SETDB1: variants seen among roughly 807,000 people sequenced by gnomAD.
The protein encoded by SETDB1 is SET domain bifurcated histone lysine methyltransferase 1, also known as histone-lysine N-methyltransferase SETDB1.
SETDB1 carries 31 observed loss-of-function variants against 137.4 expected under a neutral mutation model. The ratio of observed to expected loss-of-function variants is 0.23; its 90% CI spans 0.17 to 0.30. The LOEUF (loss-of-function observed/expected upper bound fraction) is 0.30. SETDB1 is among the 10% of genes least tolerant of loss of function. SETDB1 has a pLI of 1.00. For synonymous variants in SETDB1, 548 were observed against 579.9 expected (o/e 0.95, Z 0.79); for missense variants, 1,113 against 1,631.5 (o/e 0.68, Z 5.47).
intron 8 of SETDB1, 71 bp from the exon 9 acceptor site, chr1:150,944,847 C>G: frequency 6.5e-7 from 1 of 1,543,898 alleles, no homozygotes; most frequent in Non-Finnish European, 8.8e-7. Context: ...TCAAATGTCT[C>G]CTGGCCAAGT....
chr1:150,959,605 T>C (rs1230281348), intron 15 of SETDB1, among the ~76,000 whole-genome samples: 1 of 152,142 alleles, frequency 6.6e-6, no homozygotes, highest in African/African-American at 2.4e-5. Context: ...GACATGATTA[T>C]AGAGTCCAGT....
chr1:150,945,264 T>G (rs1670290665), intron 9 of SETDB1, 156 bp downstream of exon 9: 1 of 1,463,934 alleles, frequency 6.8e-7, no homozygotes, highest in Non-Finnish European at 9.0e-7. Context: ...CTTTGCCCTT[T>G]TTGTTGTTCC....
At chr1:150,942,439 T>TC in intron 5 of SETDB1, 124 bp from the exon 6 acceptor site, 1 of 701,942 alleles carries the variant, frequency 1.4e-6, no homozygotes, top group Non-Finnish European at 2.3e-6. Flanking sequence ...AGAGTGAGAC[T>TC]CCATCTCAAA....
At position 150,962,959 on chromosome 1, in the gene SETDB1, C is replaced by T. The variant is rs1204145541; in HGVS notation, c.3295-15C>T. On this transcript the variant is annotated splice_polypyrimidine_tract_variant and intron_variant, in intron 18 of 21. Coordinates refer to ENST00000692827, the MANE Select transcript of SETDB1 (RefSeq NM_001366418.1). ...CCATTTACTTCTCTTACTTCTTACC[C>T]TCCTGCTTCCCCAGGATGTCCTGAC... 1 of 1,611,696 alleles carries T rather than the reference C, an allele frequency of 6.2e-7. No homozygotes were observed. Among genetic ancestry groups the T allele is most frequent in the Non-Finnish European group, 8.5e-7 (1 of 1,178,310 alleles).
At chr1:150,933,766 TCTTTTTCTTTTTC>T (rs1558012198) in intron 3 of SETDB1, among the ~76,000 whole-genome samples, 15 of 128,020 alleles carry the variant, frequency 1.2e-4, no homozygotes, top group African/African-American at 3.1e-4. Flanking sequence ...TTTTTCTTTT[TCTTTTTCTTTTTC>T]TTTTTTTTTT....
chr1:150,939,957 A>G lies in SETDB1; in HGVS notation c.430A>G (p.Thr144Ala), dbSNP rs140099145. The change falls in exon 4 of 22, where the codon ACT becomes GCT. Residue 144 changes from threonine to alanine, a missense_variant. This residue lies in a region of SETDB1 where 159 missense variants were observed against 188.6 expected (regional missense o/e 0.84). Transcript: ENST00000692827. Reference protein sequence around the residue: ...SIDSGDAGSRTPKDQKLREAM... With the variant: ...SIDSGDAGSRAPKDQKLREAM... ...GTCCATAGGTGATGCTGGGAGCAGAACTCCAAAAGACCAGAAGGTAAGTTA... is the reference window on the plus strand; with the variant it reads ...GTCCATAGGTGATGCTGGGAGCAGAGCTCCAAAAGACCAGAAGGTAAGTTA... 1 of 1,612,926 alleles carries G rather than the reference A, an allele frequency of 6.2e-7. No individual in the cohort carries two copies. Among genetic ancestry groups the G allele is most frequent in the Non-Finnish European group, 8.5e-7 (1 of 1,179,000 alleles).
At chr1:150,961,505 A>G (rs1004864195) in intron 16 of SETDB1, 3 of 320,572 alleles carry the variant, frequency 9.4e-6, no homozygotes, top group African/African-American at 6.6e-5. Context: ...AAATACAAAA[A>G]TTAGCCGGGC....
Position 150,944,976 on chromosome 1 carries a change from T to C in SETDB1, c.1008T>C (p.Tyr336=). The C allele has an allele frequency of 1.2e-6, 2 of 1,614,012 alleles. No homozygotes were observed. Among genetic ancestry groups the C allele is most frequent in the Non-Finnish European group, 1.7e-6 (2 of 1,179,916 alleles). ...DISCRDFIEE[Y]VTAYPNRPMV... ...CCTGCCGTGACTTCATAGAGGAGTA[T>C]GTCACTGCCTACCCCAACCGCCCCA... Residue 336 remains tyrosine, a synonymous_variant, in exon 9 of 22, where the codon TAT becomes TAC. Coordinates refer to ENST00000692827, the MANE Select transcript of SETDB1 (RefSeq NM_001366418.1).
chr1:150,954,110 T>A (rs1295706804), intron 14 of SETDB1, among the ~76,000 whole-genome samples: 1 of 152,108 alleles, frequency 6.6e-6, no homozygotes, highest in African/African-American at 2.4e-5. Context: ...TGCCTCAGCC[T>A]CCCAAAGTGC....
At chr1:150,928,249 G>T in intron 2 of SETDB1, 1 of 413,414 alleles carries the variant, frequency 2.4e-6, no homozygotes, top group South Asian at 2.6e-5. Context: ...AGTAGAGACA[G>T]GGTTTCACCA....
intron 9 of SETDB1, chr1:150,945,317 C>T (rs1019220438): frequency 6.4e-5 from 91 of 1,431,242 alleles, no homozygotes; most frequent in Non-Finnish European, 7.0e-5. Flanking sequence ...AATTATAATA[C>T]GAATCTGCAT....
chr1:150,926,310 C>T (rs996106541), upstream of SETDB1: 6 of 194,968 alleles, frequency 3.1e-5, no homozygotes, highest in Admixed American at 5.9e-5. Context: ...GATTTGACCC[C>T]GTCAGGCTAC....
intron 7 of SETDB1, 87 bp downstream of exon 7, chr1:150,943,140 C>G: frequency 1.1e-6 from 1 of 894,264 alleles, no homozygotes; most frequent in East Asian, 2.4e-5. Context: ...CCACAATTAG[C>G]TTTTGTCTTC....
rs199960423 is a variant in SETDB1 at position 150,942,806 on chromosome 1, A to T, written c.674-46A>T. 4 of 1,601,700 alleles carry T rather than the reference A, an allele frequency of 2.5e-6. No homozygotes were observed. In the East Asian group the frequency reaches 8.9e-5, roughly 36 times the overall value. On this transcript the variant is annotated intron_variant, in intron 6 of 21. Coordinates refer to ENST00000692827, the MANE Select transcript of SETDB1 (RefSeq NM_001366418.1). ...CTCACATAGCAGCCTGGATTTATACAGAAACTGGCAGTGTTTAAAAAGATT... is the reference window on the plus strand; with the variant it reads ...CTCACATAGCAGCCTGGATTTATACTGAAACTGGCAGTGTTTAAAAAGATT...
chr1:150,958,864 A>G (rs998160351), intron 14 of SETDB1, among the ~76,000 whole-genome samples: 2 of 152,054 alleles, frequency 1.3e-5, no homozygotes, highest in Non-Finnish European at 2.9e-5. Context: ...TGTAATCTGT[A>G]TTCCCATTAT....
At chr1:150,959,826 C>G (rs1466097155) in intron 15 of SETDB1, among the ~76,000 whole-genome samples, 2 of 152,144 alleles carry the variant, frequency 1.3e-5, no homozygotes, top group Non-Finnish European at 2.9e-5. Context: ...AATCCCAAAA[C>G]TTTGGGAGGC....
chr1:150,941,380 T>G lies in SETDB1; in HGVS notation c.499T>G (p.Phe167Val). Residue 167 changes from phenylalanine (F) to valine (V), a missense_variant, in exon 5 of 22, where the codon TTC becomes GTC. Physicochemically the swap from Phe to Val is conservative, Grantham distance 50. Coordinates refer to ENST00000692827, the MANE Select transcript of SETDB1 (RefSeq NM_001366418.1). The stretch of plus-strand genomic sequence containing the variant: ...AAAGTCAGCTCAAGATGTTCAGAAG[T>G]TCATGGATGCTGTCAACAAGAAGAG... Reference protein sequence around the residue: ...LRKSAQDVQKFMDAVNKKSSS... With the variant: ...LRKSAQDVQKVMDAVNKKSSS... 6.2e-7 allele frequency: 1 copy of G among 1,613,792 alleles called. No homozygotes were observed. The highest frequency in any genetic ancestry group is 8.5e-7 in the Non-Finnish European group (1 of 1,179,728).
chr1:150,956,113 C>T (rs1287944159), intron 14 of SETDB1, among the ~76,000 whole-genome samples: 1 of 111,688 alleles, frequency 9.0e-6, no homozygotes, highest in South Asian at 3.1e-4. Context: ...AAAAGCCAAG[C>T]GCAGTGGCTC....
chr1:150,947,526 T>A (rs934770829), intron 10 of SETDB1, among the ~76,000 whole-genome samples: 1 of 152,026 alleles, frequency 6.6e-6, no homozygotes, highest in Non-Finnish European at 1.5e-5. Context: ...ATCCCAACAC[T>A]TTAGGAAGCT....
Sources: allele counts gnomAD v4.1 joint callset (sites outside exome capture counted in the v4.1 genomes callset), GRCh38; gene constraint gnomAD v4.1.1; regional missense constraint gnomAD v4.1.1; transcripts MANE v1.5; gene names NCBI Gene and HGNC (gene_info 2026-07-23, HGNC 2026-07-21).